Variants in KSR2 observed in about 807,000 individuals in gnomAD.
KSR2 encodes the protein kinase suppressor of ras 2.
In KSR2, 25 loss-of-function variants were observed where a neutral mutation model predicts 107.8. The ratio of observed to expected loss-of-function variants is 0.23; its 90% CI spans 0.17 to 0.32. The LOEUF (loss-of-function observed/expected upper bound fraction) is 0.32, where lower values mean the gene tolerates loss of function less well. Among genes scored for constraint, KSR2 ranks in the 10% least tolerant of loss-of-function variants. The pLI, the probability that KSR2 is intolerant of heterozygous loss-of-function variation, is 1.00. For synonymous variants in KSR2, 480 were observed against 507.0 expected (o/e 0.95, Z 0.71); for missense variants, 887 against 1,268.9 (o/e 0.70, Z 4.57).
At chr12:117,499,438 C>T (rs1465768897) in intron 14 of KSR2, among the ~76,000 whole-genome samples, 1 of 152,188 alleles carries the variant, frequency 6.6e-6, no homozygotes, top group African/African-American at 2.4e-5. Flanking sequence ...CCTCTGACTT[C>T]TGACTAGAGT....
chr12:117,668,617 A>T (rs1884770269), intron 4 of KSR2, among the ~76,000 whole-genome samples: 1 of 152,230 alleles, frequency 6.6e-6, no homozygotes, highest in South Asian at 2.1e-4. Context: ...CCCCCGGGTG[A>T]GTCCATTAAA....
intron 4 of KSR2, among the ~76,000 whole-genome samples, chr12:117,670,340 T>A (rs1010808117): frequency 2.0e-5 from 3 of 152,228 alleles, no homozygotes; most frequent in African/African-American, 7.2e-5. Context: ...TTAAGCGCCA[T>A]GGTAACCTTA....
At chr12:117,877,654 C>T (rs1361887456) in intron 1 of KSR2, among the ~76,000 whole-genome samples, 5 of 152,116 alleles carry the variant, frequency 3.3e-5, no homozygotes. Flanking sequence ...GAAAAAGAAG[C>T]ACAGAGTAAC....
chr12:117,933,496 A>G (rs1425336379), intron 1 of KSR2, among the ~76,000 whole-genome samples: 1 of 151,946 alleles, frequency 6.6e-6, no homozygotes, highest in African/African-American at 2.4e-5. Context: ...AGGCTGACCT[A>G]TAGGAGAATG....
intron 3 of KSR2, among the ~76,000 whole-genome samples, chr12:117,847,050 A>G (rs1255984782): frequency 2.6e-5 from 4 of 152,354 alleles, no homozygotes; most frequent in Non-Finnish European, 4.4e-5. Context: ...TGCTATCTAC[A>G]TGTAAGGGAT....
chr12:117,482,537 C>T (rs1872234532), intron 16 of KSR2, among the ~76,000 whole-genome samples: 1 of 152,114 alleles, frequency 6.6e-6, no homozygotes. Flanking sequence ...TTTGTGTTGA[C>T]AACCTGGCTG....
intron 3 of KSR2, among the ~76,000 whole-genome samples, chr12:117,839,799 A>G (rs970675813): frequency 1.3e-5 from 2 of 152,240 alleles, no homozygotes; most frequent in Admixed American, 1.3e-4. Context: ...ACGGTGAATC[A>G]GTGAGAAAAC....
chr12:117,633,400 C>T (rs1882899921), intron 5 of KSR2, among the ~76,000 whole-genome samples: 1 of 152,168 alleles, frequency 6.6e-6, no homozygotes, highest in Non-Finnish European at 1.5e-5. Flanking sequence ...TGCGCCTTGC[C>T]CAAGGGCTCC....
At chr12:117,954,183 A>T (rs114619953) in intron 1 of KSR2, among the ~76,000 whole-genome samples, 106 of 152,312 alleles carry the variant, frequency 7.0e-4, no homozygotes, top group African/African-American at 2.5e-3. Flanking sequence ...TTGATGAGGT[A>T]GCACTCACCC....
At chr12:117,950,615 C>A (rs956891205) in intron 1 of KSR2, among the ~76,000 whole-genome samples, 4 of 151,432 alleles carry the variant, frequency 2.6e-5, no homozygotes, top group Admixed American at 2.6e-4. Flanking sequence ...GTAGTGTGCA[C>A]CTGAAGTCCC....
chr12:117,751,002 C>T (rs1299766904), intron 4 of KSR2, among the ~76,000 whole-genome samples: 2 of 152,150 alleles, frequency 1.3e-5, no homozygotes, highest in Non-Finnish European at 2.9e-5. Context: ...TACAGTTTGG[C>T]AGTGTCCCCA....
intron 14 of KSR2, among the ~76,000 whole-genome samples, chr12:117,499,859 T>G (rs1486500551): frequency 6.6e-6 from 1 of 152,174 alleles, no homozygotes; most frequent in Non-Finnish European, 1.5e-5. Context: ...GCTGTGTTCT[T>G]TCCACCCATG....
intron 14 of KSR2, 136 bp from the exon 15 acceptor site, chr12:117,485,827 G>A (rs1171743588): frequency 1.7e-6 from 1 of 597,946 alleles, no homozygotes; most frequent in East Asian, 3.0e-5. Context: ...AATAAGTCTG[G>A]GACTGGACTT....
intron 14 of KSR2, among the ~76,000 whole-genome samples, chr12:117,487,471 A>T (rs1392137836): frequency 6.6e-6 from 1 of 152,168 alleles, no homozygotes; most frequent in East Asian, 1.9e-4. Context: ...TGCATCCCCC[A>T]GGTTGCTGTC....
intron 7 of KSR2, among the ~76,000 whole-genome samples, chr12:117,576,014 C>T (rs1024496410): frequency 3.3e-5 from 5 of 152,288 alleles, no homozygotes; most frequent in East Asian, 1.9e-4. Context: ...GTTCTTGAAG[C>T]TTACCCCCCC....
chr12:117,798,458 C>A (rs10850902), intron 3 of KSR2, among the ~76,000 whole-genome samples: 17,554 of 152,090 alleles, frequency 0.12, 1,401 homozygotes, highest in Admixed American at 0.26. Context: ...CATGGTGAAA[C>A]CCCATCTCTA....
intron 1 of KSR2, among the ~76,000 whole-genome samples, chr12:117,935,727 T>C (rs1180334730): frequency 6.6e-6 from 1 of 152,122 alleles, no homozygotes; most frequent in Non-Finnish European, 1.5e-5. Context: ...GCTACTGCAC[T>C]CCAGCCTGGG....
chr12:117,631,244 C>T (rs7957425), intron 5 of KSR2, among the ~76,000 whole-genome samples: 138,443 of 152,224 alleles, frequency 0.91, 63,209 homozygotes, highest in East Asian at 0.99. Flanking sequence ...GAGGCTGCAG[C>T]AAGCTATGAT....
Position 117,893,947 on chromosome 12 carries a change from T to C in KSR2, c.181-33516A>G, listed in dbSNP as rs922047637. On this transcript the variant is annotated intron_variant, in intron 1 of 19. Transcript: ENST00000339824. ...TTTTTTGAGACGGAGTCTCGCTCTG[T>C]CGCCCAGGCTAGAATGCAGTGGCGC... is the stretch of plus-strand genomic sequence containing the variant. Among the ~76,000 whole-genome samples the C allele has an allele frequency of 3.4e-5, 5 of 148,608 alleles. No homozygotes were observed. In the East Asian group the frequency reaches 1.0e-3, roughly 30 times the overall value.
Sources: gnomAD v4.1 joint callset for allele counts (sites outside exome capture counted in the v4.1 genomes callset) on GRCh38, gnomAD v4.1.1 for gene constraint, MANE v1.5 for transcripts, NCBI Gene and HGNC (gene_info 2026-07-23, HGNC 2026-07-21) for gene names.